The following AGMO variants were observed in gnomAD, a reference collection of about 807,000 sequenced individuals.
The protein encoded by AGMO is glyceryl-ether monooxygenase.
Under a neutral mutation model 60.2 loss-of-function variants are expected in AGMO, and 75 were observed. The ratio of observed to expected loss-of-function variants is 1.25; its 90% CI spans 1.03 to 1.51. AGMO has a LOEUF of 1.51. Ranked by LOEUF, AGMO falls within the 40% of genes most tolerant of loss-of-function variation. AGMO has a pLI of 0.00. For missense variants in AGMO, 763 were observed against 525.5 expected (o/e 1.45, Z -4.42); for synonymous variants, 261 against 177.1 (o/e 1.47, Z -3.76).
At chr7:15,189,284 C>T in the AGMO span, among the ~76,000 whole-genome samples, 1 of 151,770 alleles carries the variant, frequency 6.6e-6, no homozygotes, top group Non-Finnish European at 1.5e-5. Flanking sequence ...CAAATAGGGC[C>T]TTGCAAGACT....
intron 12 of AGMO, among the ~76,000 whole-genome samples, chr7:15,344,698 A>C (rs1781972068): frequency 6.6e-6 from 1 of 152,156 alleles, no homozygotes; most frequent in African/African-American, 2.4e-5. Context: ...ATCCTGTCTC[A>C]AAGCAAACAA....
rs145484654 is a variant in AGMO at position 15,412,028 on chromosome 7, G to A, written c.609+6530C>T. 4.1e-3 allele frequency among the ~76,000 whole-genome samples: 627 copies of A among 152,162 alleles called. 3 individuals carry two copies. Among genetic ancestry groups the A allele is most frequent in the African/African-American group, 0.014 (587 of 41,530 alleles). ...GATCTTCTAAGTCTCTGCTCATCCT[G>A]CTACCACTCTATTGCGTTTGCTGCT... On this transcript the variant is annotated intron_variant, in intron 5 of 12. Coordinates refer to ENST00000342526, the MANE Select transcript of AGMO (RefSeq NM_001004320.2).
chr7:15,365,567 A>C lies in AGMO; in HGVS notation c.1210T>G (p.Tyr404Asp). Residue 404 changes from tyrosine (Y) to aspartate (D), a missense_variant, in exon 12 of 13, where the codon TAC becomes GAC. Coordinates refer to ENST00000342526, the MANE Select transcript of AGMO (RefSeq NM_001004320.2). ...AGAGGCTTCAGGTGACCAAATCGGT[A>C]CAGCATTAAGAACATCAAGCAACGG... ...TLRCLMFLMLYRFGHLKPLVP... is the reference protein window; with the variant it reads ...TLRCLMFLMLDRFGHLKPLVP... The C allele has an allele frequency of 6.2e-7, 1 of 1,612,908 alleles. No homozygotes were observed. The highest frequency in any genetic ancestry group is 1.1e-5 in the South Asian group (1 of 91,032).
the AGMO span, among the ~76,000 whole-genome samples, chr7:15,126,442 C>T: frequency 6.6e-6 from 1 of 152,016 alleles, no homozygotes; most frequent in African/African-American, 2.4e-5. Context: ...TGCCTGTAAT[C>T]ATGGGAAATA....
rs545041843 is a variant in AGMO at position 15,556,590 on chromosome 7, C to T, written c.257+3551G>A. Among the ~76,000 whole-genome samples the T allele has an allele frequency of 2.0e-5, 3 of 151,816 alleles. No homozygotes were observed. The South Asian group carries it at 6.2e-4, about 31-fold the overall frequency. On this transcript the variant is annotated intron_variant, in intron 2 of 12. Transcript: ENST00000342526. ...TGGAAGGAAGTAACAAATTGAAGTCCCAGTTTTCTAATGAAGGATTGGAAA... is the reference window on the plus strand; with the variant it reads ...TGGAAGGAAGTAACAAATTGAAGTCTCAGTTTTCTAATGAAGGATTGGAAA...
At chr7:15,519,398 A>G (rs983143899) in intron 3 of AGMO, among the ~76,000 whole-genome samples, 1 of 152,178 alleles carries the variant, frequency 6.6e-6, no homozygotes, top group Non-Finnish European at 1.5e-5. Flanking sequence ...TGTTAAGGAC[A>G]GCCAGAGAAT....
At chr7:15,162,198 C>T in the AGMO span, among the ~76,000 whole-genome samples, 2 of 152,080 alleles carry the variant, frequency 1.3e-5, no homozygotes, top group African/African-American at 4.8e-5. Context: ...CTGATGCCTC[C>T]CCAGCCATGC....
At chr7:15,408,399 A>G (rs1043985914) in intron 5 of AGMO, among the ~76,000 whole-genome samples, 1 of 151,832 alleles carries the variant, frequency 6.6e-6, no homozygotes, top group Admixed American at 6.6e-5. Context: ...TGTAGGTGTA[A>G]AAAAACCAGA....
At chr7:15,526,021 G>A (rs1041627946) in intron 3 of AGMO, among the ~76,000 whole-genome samples, 2 of 152,146 alleles carry the variant, frequency 1.3e-5, no homozygotes, top group Non-Finnish European at 2.9e-5. Flanking sequence ...TTAGAACCAC[G>A]GGCCGCAGCT....
chr7:15,272,455 G>T (rs1783645201), intron 12 of AGMO, among the ~76,000 whole-genome samples: 1 of 151,918 alleles, frequency 6.6e-6, no homozygotes, highest in Admixed American at 6.6e-5. Context: ...CAAAGGACAT[G>T]AACTCATCAT....
intron 12 of AGMO, among the ~76,000 whole-genome samples, chr7:15,343,832 T>A (rs151223875): frequency 6.6e-6 from 1 of 152,300 alleles, no homozygotes; most frequent in East Asian, 1.9e-4. Flanking sequence ...TACCTAGTAT[T>A]GAAATAACGG....
At chr7:15,398,355 A>G (rs1388227486) in intron 5 of AGMO, among the ~76,000 whole-genome samples, 1 of 152,144 alleles carries the variant, frequency 6.6e-6, no homozygotes, top group African/African-American at 2.4e-5. Context: ...CAATATTGAA[A>G]GTTCGTTTTT....
chr7:15,357,564 AT>A (rs1343773009), intron 12 of AGMO, among the ~76,000 whole-genome samples: 2 of 152,164 alleles, frequency 1.3e-5, no homozygotes, highest in African/African-American at 4.8e-5. Context: ...TGTTTGACCA[AT>A]GGAATGTAGC....
At chr7:15,213,491 A>G (rs1045976910) in intron 12 of AGMO, among the ~76,000 whole-genome samples, 2 of 151,994 alleles carry the variant, frequency 1.3e-5, no homozygotes, top group African/African-American at 4.8e-5. Context: ...ATTTAAATTT[A>G]TAATAAAAAG....
intron 12 of AGMO, among the ~76,000 whole-genome samples, chr7:15,235,593 TTC>T (rs1782394407): frequency 6.6e-6 from 1 of 152,094 alleles, no homozygotes; most frequent in Non-Finnish European, 1.5e-5. Context: ...AAATAGGCCG[TTC>T]TGATTCATTT....
intron 10 of AGMO, among the ~76,000 whole-genome samples, chr7:15,373,430 C>G (rs147199277): frequency 1.3e-5 from 2 of 152,234 alleles, no homozygotes; most frequent in East Asian, 3.9e-4. Context: ...GAAAAGGTAT[C>G]ATTAACAACA....
intron 12 of AGMO, among the ~76,000 whole-genome samples, chr7:15,251,006 C>T (rs1035391963): frequency 1.3e-5 from 2 of 151,584 alleles, no homozygotes; most frequent in African/African-American, 4.8e-5. Flanking sequence ...ATTTCTGAAC[C>T]AACAAAGTTT....
Position 15,544,790 on chromosome 7 carries a change from A to G in AGMO, c.391T>C (p.Phe131Leu), listed in dbSNP as rs753786715. 7 of 1,603,332 alleles carry G rather than the reference A, an allele frequency of 4.4e-6. No homozygotes were observed. In the African/African-American group the frequency reaches 9.4e-5, roughly 22 times the overall value. The change falls in exon 3 of 13, where the codon TTC becomes CTC. Residue 131 changes from phenylalanine to leucine, a missense_variant. By Grantham distance (22) the Phe-to-Leu change is conservative. Coordinates refer to ENST00000342526, the MANE Select transcript of AGMO (RefSeq NM_001004320.2). ...FLGVDFGYYW[F>L]HRMAHEVNIM... ...AGCTTACCATGAGCCATACGATGGA[A>G]CCAGTAGTAGCCAAAGTCAACTCCT... is the stretch of plus-strand genomic sequence containing the variant.
chr7:15,557,667 T>C lies in AGMO; in HGVS notation c.257+2474A>G, dbSNP rs181244601. ...AGTTTTATATAACAAAACAAAAAAA[T>C]GCATTTTCAGATAATTTGCTTTACT... is the stretch of plus-strand genomic sequence containing the variant. On this transcript the variant is annotated intron_variant, in intron 2 of 12. Coordinates refer to ENST00000342526, the MANE Select transcript of AGMO (RefSeq NM_001004320.2). Among the ~76,000 whole-genome samples the C allele has an allele frequency of 1.1e-3, 163 of 152,056 alleles. 2 individuals are homozygous for C. Among genetic ancestry groups the C allele is most frequent in the African/African-American group, 3.6e-3 (149 of 41,500 alleles).
Sources: allele counts gnomAD v4.1 joint callset (sites outside exome capture counted in the v4.1 genomes callset), GRCh38; gene constraint gnomAD v4.1.1; transcripts MANE v1.5; gene names NCBI Gene and HGNC (gene_info 2026-07-23, HGNC 2026-07-21).